The following SPOCK3 variants were observed in gnomAD, a reference collection of about 807,000 sequenced individuals.
SPOCK3 encodes the protein testican-3.
In SPOCK3, 30 loss-of-function variants were observed where a neutral mutation model predicts 56.6. That is an observed-to-expected ratio of 0.53 (90% CI 0.40 to 0.72). The LOEUF (loss-of-function observed/expected upper bound fraction) is 0.72, where lower values mean the gene tolerates loss of function less well. SPOCK3 is among the 30% of genes least tolerant of loss of function. SPOCK3 has a pLI of 0.00. For synonymous variants in SPOCK3, 196 were observed against 183.3 expected, an observed-to-expected ratio of 1.07 and a Z score of -0.56; for missense variants, 527 against 530.0, an observed-to-expected ratio of 0.99 and a Z score of 0.06.
chr4:166,734,822 T>C lies in SPOCK3; in HGVS notation c.*99A>G, dbSNP rs2126332457. On this transcript the variant is annotated 3_prime_UTR_variant, in exon 11 of 11. Coordinates refer to ENST00000357545, the MANE Select transcript of SPOCK3 (RefSeq NM_001040159.2). ...AATTATACAAAATATATGTGAGGTT[T>C]AGAATCATTTTGTTATTGGGGAAGA... 9.8e-7 allele frequency: 1 copy of C among 1,019,028 alleles called. No individual in the cohort carries two copies. The highest frequency in any genetic ancestry group is 2.7e-5 in the Admixed American group (1 of 37,522). 63.1% of individuals were successfully genotyped at this position (1,019,028 alleles called of 1,614,324 possible).
At chr4:167,096,995 A>T (rs1440194910) in intron 2 of SPOCK3, among the ~76,000 whole-genome samples, 1 of 151,748 alleles carries the variant, frequency 6.6e-6, no homozygotes. Flanking sequence ...TGATCTCTTT[A>T]TCATTGTGTA....
chr4:166,976,932 A>G (rs779851109), intron 4 of SPOCK3, among the ~76,000 whole-genome samples: 12 of 151,656 alleles, frequency 7.9e-5, no homozygotes, highest in Non-Finnish European at 1.6e-4. Context: ...CTTTTTAATA[A>G]TTAAATTTAT....
chr4:167,115,439 CATAAG>C (rs1761252903), intron 2 of SPOCK3, among the ~76,000 whole-genome samples: 1 of 151,522 alleles, frequency 6.6e-6, no homozygotes, highest in Non-Finnish European at 1.5e-5. Flanking sequence ...AAAATTGAAG[CATAAG>C]ATAAAATATT....
intron 3 of SPOCK3, among the ~76,000 whole-genome samples, chr4:167,033,157 G>C (rs1016340346): frequency 6.6e-6 from 1 of 151,542 alleles, no homozygotes; most frequent in Admixed American, 6.6e-5. Context: ...ATTAGGAGTG[G>C]GAAATCACCA....
intron 2 of SPOCK3, among the ~76,000 whole-genome samples, chr4:167,177,465 T>C (rs983834571): frequency 6.6e-6 from 1 of 151,948 alleles, no homozygotes; most frequent in Non-Finnish European, 1.5e-5. Context: ...TTAATACTTG[T>C]GGCAGTGAGG....
rs552970648 is a variant in SPOCK3 at position 166,814,749 on chromosome 4, G to T, written c.590-22460C>A. On this transcript the variant is annotated intron_variant, in intron 6 of 10. Transcript: ENST00000357545. ...TACTGGCTTCTTTCTTCCCCAGCTT[G>T]CAGGTGGCCTATGCTGGGACTTCGC... 2.6e-5 allele frequency among the ~76,000 whole-genome samples: 4 copies of T among 152,156 alleles called. No homozygotes were observed. In the South Asian group the frequency reaches 8.3e-4, roughly 32 times the overall value.
intron 2 of SPOCK3, among the ~76,000 whole-genome samples, chr4:167,206,045 AT>A (rs976267607): frequency 1.3e-5 from 2 of 152,078 alleles, no homozygotes; most frequent in African/African-American, 4.8e-5. Context: ...CATTCCTATA[AT>A]TTTAGATTTT....
chr4:166,960,080 G>C (rs1382847705), intron 4 of SPOCK3, among the ~76,000 whole-genome samples: 2 of 152,110 alleles, frequency 1.3e-5, no homozygotes, highest in African/African-American at 4.8e-5. Context: ...GATTATGAAA[G>C]TAGTATTACT....
Position 166,828,507 on chromosome 4 carries a change from T to C in SPOCK3, c.590-36218A>G, listed in dbSNP as rs564718595. Among the ~76,000 whole-genome samples the C allele has an allele frequency of 2.7e-4, 41 of 152,132 alleles. No homozygotes were observed. In the South Asian group the frequency reaches 7.9e-3, roughly 29 times the overall value. On this transcript the variant is annotated intron_variant, in intron 6 of 10. Coordinates refer to ENST00000357545, the MANE Select transcript of SPOCK3 (RefSeq NM_001040159.2). ...ATCATATTATGTGGGGAACAATTTT[T>C]CCCACTTTTTACTTTATACCCAGAG...
chr4:166,799,878 G>C (rs1017259805), intron 6 of SPOCK3, among the ~76,000 whole-genome samples: 3 of 151,944 alleles, frequency 2.0e-5, no homozygotes, highest in East Asian at 3.9e-4. Context: ...ACCTCAACAA[G>C]TTCCTTAAAA....
At chr4:167,032,449 G>C (rs1316775523) in intron 3 of SPOCK3, among the ~76,000 whole-genome samples, 1 of 151,892 alleles carries the variant, frequency 6.6e-6, no homozygotes, top group East Asian at 1.9e-4. Flanking sequence ...AGGGCTAGAT[G>C]TTGACCAGCT....
chr4:167,095,437 C>G (rs1759066708), intron 2 of SPOCK3, among the ~76,000 whole-genome samples: 1 of 151,970 alleles, frequency 6.6e-6, no homozygotes, highest in Non-Finnish European at 1.5e-5. Flanking sequence ...ATTCTATTCT[C>G]TGACTAATCC....
chr4:166,774,530 A>G (rs577212662), intron 7 of SPOCK3, among the ~76,000 whole-genome samples: 1 of 152,198 alleles, frequency 6.6e-6, no homozygotes, highest in African/African-American at 2.4e-5. Flanking sequence ...CATCTCGGGC[A>G]GAATGTACAT....
intron 2 of SPOCK3, among the ~76,000 whole-genome samples, chr4:167,110,600 C>A (rs1285963631): frequency 1.3e-5 from 2 of 151,974 alleles, no homozygotes; most frequent in East Asian, 3.9e-4. Context: ...AGAAAGTATG[C>A]ATATCACCTT....
intron 2 of SPOCK3, among the ~76,000 whole-genome samples, chr4:167,223,385 G>A (rs1054821285): frequency 6.8e-6 from 1 of 146,432 alleles, no homozygotes; most frequent in Admixed American, 7.0e-5. Context: ...ATTTATAGAG[G>A]GAGATATTAT....
chr4:167,218,993 T>C (rs183521620), intron 2 of SPOCK3, among the ~76,000 whole-genome samples: 4 of 152,258 alleles, frequency 2.6e-5, no homozygotes, highest in Non-Finnish European at 2.9e-5. Flanking sequence ...GTAAGTACAA[T>C]AGTTCTTAAA....
At chr4:166,890,607 T>C (rs1395260817) in intron 5 of SPOCK3, among the ~76,000 whole-genome samples, 2 of 152,004 alleles carry the variant, frequency 1.3e-5, no homozygotes, top group Non-Finnish European at 2.9e-5. Flanking sequence ...AGCCTAAGTA[T>C]TTTTCATTTA....
At chr4:166,740,733 C>G (rs1734758060) in intron 9 of SPOCK3, among the ~76,000 whole-genome samples, 1 of 151,958 alleles carries the variant, frequency 6.6e-6, no homozygotes, top group Non-Finnish European at 1.5e-5. Context: ...GCCATATTGG[C>G]CAGGGTGGTC....
intron 6 of SPOCK3, 111 bp from the exon 7 acceptor site, chr4:166,792,400 G>A: frequency 1.8e-6 from 2 of 1,141,710 alleles, no homozygotes; most frequent in Admixed American, 2.4e-5. Flanking sequence ...AAAGAAAAAG[G>A]TGTGACTGCA....
Sources: allele counts gnomAD v4.1 joint callset (sites outside exome capture counted in the v4.1 genomes callset), GRCh38; gene constraint gnomAD v4.1.1; transcripts MANE v1.5; gene names NCBI Gene and HGNC (gene_info 2026-07-23, HGNC 2026-07-21).